TBC1D1: variants seen among roughly 807,000 people sequenced by gnomAD.
TBC1D1 encodes TBC1 domain family member 1, also known as TBC1 (tre-2/USP6, BUB2, cdc16) domain family, member 1.
Under a neutral mutation model 125.6 loss-of-function variants are expected in TBC1D1, and 89 were observed. The observed-to-expected ratio is 0.71, with a 90% CI of 0.60 to 0.85. The LOEUF (loss-of-function observed/expected upper bound fraction) is 0.85, where lower values mean the gene tolerates loss of function less well. TBC1D1 is among the 40% of genes least tolerant of loss of function. The pLI is 0.00. For missense variants in TBC1D1, 1,377 were observed against 1,469.2 expected (o/e 0.94, Z 1.03); for synonymous variants, 565 against 564.1 (o/e 1.00, Z -0.02).
intron 15 of TBC1D1, chr4:38,112,042 G>A: frequency 1.0e-6 from 1 of 985,384 alleles, no homozygotes; most frequent in South Asian, 4.7e-5. Context: ...CAGATTTTCT[G>A]CATAAAGAAA....
intron 11 of TBC1D1, among the ~76,000 whole-genome samples, chr4:38,052,703 TACACACACACGCGCGCGCGCGCGCGC>T (rs1195997295): frequency 2.6e-4 from 33 of 128,310 alleles, no homozygotes; most frequent in African/African-American, 1.0e-3. Flanking sequence ...CATGCGTATA[TACACACACACGCGCGCGCGCGCGCGC>T]ACACACACAC....
At chr4:38,056,528 G>A (rs971952535) in intron 12 of TBC1D1, among the ~76,000 whole-genome samples, 1 of 152,184 alleles carries the variant, frequency 6.6e-6, no homozygotes, top group Non-Finnish European at 1.5e-5. Context: ...TGGTTTCCTG[G>A]CTTGGCACAG....
intron 14 of TBC1D1, among the ~76,000 whole-genome samples, chr4:38,097,554 G>A: frequency 6.6e-6 from 1 of 152,140 alleles, no homozygotes; most frequent in Non-Finnish European, 1.5e-5. Flanking sequence ...ATGTTAGCCA[G>A]GATGGTCTCG....
intron 8 of TBC1D1, among the ~76,000 whole-genome samples, chr4:38,043,298 A>T (rs2152469103): frequency 6.6e-6 from 1 of 150,860 alleles, no homozygotes; most frequent in African/African-American, 2.4e-5. Context: ...TTGCATATTA[A>T]AAAAAAAATG....
At chr4:37,929,983 G>C (rs933751177) in intron 2 of TBC1D1, among the ~76,000 whole-genome samples, 2 of 152,072 alleles carry the variant, frequency 1.3e-5, no homozygotes, top group African/African-American at 4.8e-5. Context: ...TCCACAAAAG[G>C]TAAATACATG....
At chr4:38,074,422 A>G (rs992651639) in intron 12 of TBC1D1, among the ~76,000 whole-genome samples, 5 of 152,188 alleles carry the variant, frequency 3.3e-5, no homozygotes, top group Non-Finnish European at 7.4e-5. Context: ...CCATCTGAGC[A>G]CACAATGACC....
intron 15 of TBC1D1, among the ~76,000 whole-genome samples, chr4:38,105,014 C>T (rs1384241384): frequency 2.0e-5 from 3 of 152,134 alleles, no homozygotes; most frequent in African/African-American, 7.2e-5. Flanking sequence ...CTTGGCCTCT[C>T]AAAGTGCTGG....
intron 2 of TBC1D1, among the ~76,000 whole-genome samples, chr4:37,942,283 T>C (rs1246148602): frequency 6.6e-6 from 1 of 152,212 alleles, no homozygotes; most frequent in African/African-American, 2.4e-5. Flanking sequence ...TGTAATGGCC[T>C]TCTTTGCCTC....
intron 1 of TBC1D1, among the ~76,000 whole-genome samples, chr4:37,893,613 G>A (rs1713846320): frequency 6.6e-6 from 1 of 152,206 alleles, no homozygotes; most frequent in African/African-American, 2.4e-5. Context: ...GAGGTCAGGA[G>A]TTCGAGACCA....
At chr4:38,076,118 C>T (rs901681758) in intron 12 of TBC1D1, among the ~76,000 whole-genome samples, 1 of 152,188 alleles carries the variant, frequency 6.6e-6, no homozygotes, top group Non-Finnish European at 1.5e-5. Flanking sequence ...AAGAGGTTGA[C>T]TCACAGTTCA....
intron 8 of TBC1D1, among the ~76,000 whole-genome samples, chr4:38,043,175 T>C (rs1748723455): frequency 6.6e-6 from 1 of 152,056 alleles, no homozygotes; most frequent in African/African-American, 2.4e-5. Context: ...GTGCTGAGAT[T>C]ACAGGCATGA....
In TBC1D1 at chr4:38,017,605, G is replaced by A. The variant is rs528985009; in HGVS notation, c.883-749G>A. On this transcript the variant is annotated intron_variant, in intron 3 of 19. Coordinates refer to ENST00000261439, the MANE Select transcript of TBC1D1 (RefSeq NM_015173.4). ...TCTGATTTGTATTTTACATCAAAGC[G>A]TAAAGAGTTTAGAGGAGGAGATGGG... 8.5e-5 allele frequency among the ~76,000 whole-genome samples: 13 copies of A among 152,310 alleles called. 1 individual carries two copies. In the South Asian group the frequency reaches 1.2e-3, roughly 15 times the overall value.
At chr4:38,126,912 T>C (rs879785981) in intron 18 of TBC1D1, among the ~76,000 whole-genome samples, 5 of 152,180 alleles carry the variant, frequency 3.3e-5, no homozygotes, top group Non-Finnish European at 4.4e-5. Flanking sequence ...TTAGAGTTTT[T>C]CCCTATTTTA....
At chr4:38,021,556 G>A (rs1317093236) in intron 5 of TBC1D1, 30 bp from the exon 6 acceptor site, 2 of 1,467,840 alleles carry the variant, frequency 1.4e-6, no homozygotes, top group Non-Finnish European at 1.8e-6. Flanking sequence ...TGACTTTTTG[G>A]TGACTACAAC....
At position 38,021,654 on chromosome 4, in the gene TBC1D1, G is replaced by A. The variant is rs762435481; in HGVS notation, c.1146G>A (p.Ala382=). The change falls in exon 6 of 20, where the codon GCG becomes GCA. Residue 382 remains alanine, a synonymous_variant. Transcript: ENST00000261439. ...CCGCAGTGCAGCAGACAGCTAAGGC[G>A]CCAGCCCAGCTGTGTGAGGGCTGCC... 1.9e-5 allele frequency: 30 copies of A among 1,596,692 alleles called. No homozygotes were observed. In the South Asian group the frequency reaches 1.9e-4, roughly 10 times the overall value.
chr4:37,981,274 T>C (rs2152367318), intron 2 of TBC1D1, among the ~76,000 whole-genome samples: 1 of 152,320 alleles, frequency 6.6e-6, no homozygotes, highest in East Asian at 1.9e-4. Context: ...AAGTAACTGA[T>C]TGCTAATTAA....
chr4:38,014,718 C>CGA lies in TBC1D1; in HGVS notation c.631_632dup (p.Ser211ArgfsTer101). The CGA allele has an allele frequency of 6.2e-7, 1 of 1,612,268 alleles. No homozygotes were observed. Among genetic ancestry groups the CGA allele is most frequent in the East Asian group, 2.2e-5 (1 of 44,876 alleles). On this transcript the variant is annotated frameshift_variant, in exon 3 of 20. Coordinates refer to ENST00000261439, the MANE Select transcript of TBC1D1 (RefSeq NM_015173.4). LOFTEE classifies it high-confidence loss of function. This position sits in a 1 kb window ranked among gnomAD's most constrained non-coding sequence, Gnocchi z 5.1. ...ATCACGTCAGCGGCAGCCGGGGGTCCGAGAGCCCCCGCCCCAACCCGCCCC... is the reference window on the plus strand; with the variant it reads ...ATCACGTCAGCGGCAGCCGGGGGTCCGAGAGAGCCCCCGCCCCAACCCGCCCC...
At chr4:37,926,523 G>A (rs993362661) in intron 2 of TBC1D1, among the ~76,000 whole-genome samples, 2 of 152,210 alleles carry the variant, frequency 1.3e-5, no homozygotes, top group Non-Finnish European at 2.9e-5. Flanking sequence ...TCCTGGCTCT[G>A]CCTTTTTGAG....
Position 38,044,387 on chromosome 4 carries a change from T to C in TBC1D1, c.1439T>C (p.Ile480Thr), listed in dbSNP as rs1320332124. ...ACATCGCAGATGGCAGCAGAGAATA[T>C]TGGAAGTGAATTACCACCCAGTGCC... The change falls in exon 9 of 20, where the codon ATT becomes ACT. Residue 480 changes from isoleucine to threonine, a missense_variant. This residue lies in a region of TBC1D1 where 822 missense variants were observed against 824.6 expected (regional missense o/e 1.00). Transcript: ENST00000261439. The C allele has an allele frequency of 1.9e-6, 3 of 1,609,094 alleles. No individual in the cohort carries two copies. Among genetic ancestry groups the C allele is most frequent in the Non-Finnish European group, 2.5e-6 (3 of 1,178,908 alleles).
Sources: gnomAD v4.1 joint callset for allele counts (sites outside exome capture counted in the v4.1 genomes callset) on GRCh38, gnomAD v4.1.1 for gene constraint, gnomAD v4.1.1 regional missense constraint, Gnocchi (gnomAD v3.1) non-coding constraint, MANE v1.5 for transcripts, NCBI Gene and HGNC (gene_info 2026-07-23, HGNC 2026-07-21) for gene names.